IAH1: variants seen among roughly 807,000 people sequenced by gnomAD.
IAH1 encodes the protein isoamyl acetate-hydrolyzing esterase 1 homolog.
In IAH1, 24 loss-of-function variants were observed where a neutral mutation model predicts 26.7. The ratio of observed to expected loss-of-function variants is 0.90; its 90% CI spans 0.65 to 1.26. The LOEUF is 1.26. IAH1 is among the 50% of genes most tolerant of loss of function. The pLI, the probability that IAH1 is intolerant of heterozygous loss-of-function variation, is 0.00. For synonymous variants in IAH1, 140 were observed against 118.5 expected (o/e 1.18, Z -1.18); for missense variants, 300 against 299.9 (o/e 1.00, Z 0.00).
downstream of IAH1, chr2:9,497,105 AC>A (rs749034410): frequency 2.5e-6 from 4 of 1,612,726 alleles, no homozygotes; most frequent in East Asian, 8.9e-5. Flanking sequence ...TGGGAATAAA[AC>A]TGCTCACCAT....
chr2:9,478,208 A>C lies in IAH1; in HGVS notation c.135-14A>C. On this transcript the variant is annotated splice_polypyrimidine_tract_variant and intron_variant, in intron 2 of 5. Coordinates refer to ENST00000497473, the MANE Select transcript of IAH1 (RefSeq NM_001039613.3). ...CTTGCCCACAATTCATCTTTTTAAA[A>C]TTTTTCGTTTCAGAAAATGTGATGT... 6.3e-7 allele frequency: 1 copy of C among 1,589,258 alleles called. No homozygotes were observed. The highest frequency in any genetic ancestry group is 2.3e-5 in the East Asian group (1 of 44,374).
the IAH1 span, among the ~76,000 whole-genome samples, chr2:9,507,722 T>TC: frequency 1.4e-5 from 2 of 147,684 alleles, no homozygotes; most frequent in African/African-American, 2.4e-5. Flanking sequence ...TTCTTTTTTT[T>TC]CTTTTTCCTT....
chr2:9,492,632 A>G (rs1351043870), downstream of IAH1, among the ~76,000 whole-genome samples: 2 of 152,254 alleles, frequency 1.3e-5, no homozygotes, highest in African/African-American at 4.8e-5. Flanking sequence ...AAATCCAGTT[A>G]AACAGTCTCC....
chr2:9,491,140 C>T, downstream of IAH1: 2 of 1,612,884 alleles, frequency 1.2e-6, no homozygotes, highest in Non-Finnish European at 1.7e-6. Context: ...ACTGTTTATC[C>T]AATTTCTTAT....
In IAH1 at chr2:9,484,428, A is replaced by G. The variant is rs762764074; in HGVS notation, c.446-4A>G. The G allele has an allele frequency of 2.0e-5, 33 of 1,612,364 alleles. No individual in the cohort carries two copies. The Admixed American group carries it at 3.0e-4, about 15-fold the overall frequency. The stretch of plus-strand genomic sequence containing the variant: ...CTGCCACCTCTATTTCTTCTCTTCA[A>G]TAGGTTGCAAACTAAATCGCCTGAA... On this transcript the variant is annotated splice_region_variant and splice_polypyrimidine_tract_variant and intron_variant, in intron 4 of 5. Coordinates refer to ENST00000497473, the MANE Select transcript of IAH1 (RefSeq NM_001039613.3).
upstream of IAH1, chr2:9,474,541 C>CCCGCA: frequency 2.2e-6 from 3 of 1,387,644 alleles, no homozygotes; most frequent in Non-Finnish European, 2.8e-6. This position sits in a 1 kb window ranked among gnomAD's most constrained non-coding sequence, Gnocchi z 4.3. Context: ...GGCTGGCGGC[C>CCCGCA]CCGCCCCGCC....
intron 3 of IAH1, among the ~76,000 whole-genome samples, chr2:9,480,398 T>G (rs1359187691): frequency 6.6e-6 from 1 of 152,044 alleles, no homozygotes; most frequent in Non-Finnish European, 1.5e-5. Context: ...CTTAGGAAGC[T>G]GAGGTGTGGG....
chr2:9,474,148 C>T (rs1043193899), upstream of IAH1, among the ~76,000 whole-genome samples: 1 of 152,052 alleles, frequency 6.6e-6, no homozygotes, highest in Non-Finnish European at 1.5e-5. The surrounding 1 kb of genome is among the most constrained non-coding windows in gnomAD (Gnocchi z 4.3). Flanking sequence ...TGACGCTGGG[C>T]GCAGGAGGCC....
chr2:9,488,090 G>GGTGA (rs1661722571), intron 5 of IAH1, 57 bp from the exon 6 acceptor site: 1 of 1,175,924 alleles, frequency 8.5e-7, no homozygotes, highest in Non-Finnish European at 1.2e-6. Context: ...GAATGACAGG[G>GGTGA]GTGAGCTACC....
the IAH1 span, among the ~76,000 whole-genome samples, chr2:9,511,056 AGTT>A: frequency 2.0e-5 from 3 of 152,208 alleles, no homozygotes; most frequent in African/African-American, 7.2e-5. Flanking sequence ...AGCTAACTGT[AGTT>A]AATTGTCCAG....
chr2:9,495,237 G>A (rs907945370), intron 6 of IAH1, among the ~76,000 whole-genome samples: 5 of 152,214 alleles, frequency 3.3e-5, no homozygotes, highest in Admixed American at 6.5e-5. Context: ...CCAGGAGCAT[G>A]AGCCCTGCAG....
downstream of IAH1, chr2:9,490,338 T>C: frequency 6.2e-7 from 1 of 1,614,116 alleles, no homozygotes; most frequent in Non-Finnish European, 8.5e-7. Context: ...TCCTCGTCCA[T>C]ATGTGAGTCT....
intron 2 of IAH1, among the ~76,000 whole-genome samples, chr2:9,477,824 TTAAATA>T (rs1177228663): frequency 6.6e-6 from 1 of 152,210 alleles, no homozygotes; most frequent in Non-Finnish European, 1.5e-5. Context: ...TATAGACTGT[TTAAATA>T]TAAACCAAAC....
intron 3 of IAH1, 90 bp from the exon 4 acceptor site, chr2:9,481,196 G>C (rs1268684706): frequency 5.7e-5 from 79 of 1,380,690 alleles, no homozygotes; most frequent in Non-Finnish European, 8.0e-5. Context: ...GTGACATCAT[G>C]AATAACAGGC....
the IAH1 span, among the ~76,000 whole-genome samples, chr2:9,503,003 G>A: frequency 6.6e-6 from 1 of 151,652 alleles, no homozygotes; most frequent in East Asian, 1.9e-4. Context: ...AGCCGGGCAT[G>A]GTGCTACATG....
rs774953158 is a variant in IAH1, at chr2:9,474,600, G to T, written c.34G>T (p.Ala12Ser). Residue 12 changes from alanine (A) to serine (S), a missense_variant, in exon 1 of 6, where the codon GCC becomes TCC. Coordinates refer to ENST00000497473, the MANE Select transcript of IAH1 (RefSeq NM_001039613.3). This position sits in a 1 kb window ranked among gnomAD's most constrained non-coding sequence, Gnocchi z 4.3. ...ALCEAAGCGS[A>S]LLWPRLLLFG... ...GTGCGAGGCCGCGGGCTGCGGGAGT[G>T]CCCTGCTCTGGCCTCGCTTGTTGCT... The T allele has an allele frequency of 1.4e-5, 21 of 1,549,768 alleles. No individual in the cohort carries two copies. Among genetic ancestry groups the T allele is most frequent in the Admixed American group, 9.5e-5 (5 of 52,614 alleles).
At chr2:9,502,336 A>C in the IAH1 span, 2 of 1,420,968 alleles carry the variant, frequency 1.4e-6, no homozygotes, top group Non-Finnish European at 2.0e-6. Flanking sequence ...TATCAAATCA[A>C]ACGCTACAGT....
chr2:9,506,530 C>A, the IAH1 span, among the ~76,000 whole-genome samples: 1 of 151,944 alleles, frequency 6.6e-6, no homozygotes, highest in Non-Finnish European at 1.5e-5. Context: ...CCACGCCCAG[C>A]TAATTTTTGT....
intron 5 of IAH1, among the ~76,000 whole-genome samples, chr2:9,487,786 TTTTGTGTGTGTGTG>T (rs1483784582): frequency 8.5e-6 from 1 of 117,418 alleles, no homozygotes; most frequent in Non-Finnish European, 1.7e-5. Context: ...TCCCCGGCCT[TTTTGTGTGTGTGTG>T]TGTGTGTGTG....
Sources: gnomAD v4.1 joint callset for allele counts (sites outside exome capture counted in the v4.1 genomes callset) on GRCh38, gnomAD v4.1.1 for gene constraint, Gnocchi (gnomAD v3.1) non-coding constraint, MANE v1.5 for transcripts, NCBI Gene and HGNC (gene_info 2026-07-23, HGNC 2026-07-21) for gene names.